ZDHHC7: variants seen among roughly 807,000 people sequenced by gnomAD.
ZDHHC7 encodes the protein zDHHC palmitoyltransferase 7.
A neutral mutation model predicts 34.1 loss-of-function variants in ZDHHC7; 12 were observed. That is an observed-to-expected ratio of 0.35 (90% CI 0.23 to 0.57). The LOEUF (loss-of-function observed/expected upper bound fraction) is 0.57. Among genes scored for constraint, ZDHHC7 ranks in the 20% least tolerant of loss-of-function variants. The pLI is 0.84. For missense variants in ZDHHC7, 388 were observed against 402.7 expected (o/e 0.96, Z 0.31); for synonymous variants, 185 against 155.4 (o/e 1.19, Z -1.42).
chr16:85,017,365 T>C, the ZDHHC7 span, among the ~76,000 whole-genome samples: 1 of 152,262 alleles, frequency 6.6e-6, no homozygotes, highest in South Asian at 2.1e-4. Context: ...CACCAAGGGT[T>C]GGCCAAACGC....
chr16:84,984,792 G>C (rs1050119457), intron 3 of ZDHHC7, among the ~76,000 whole-genome samples: 2 of 152,094 alleles, frequency 1.3e-5, no homozygotes, highest in Non-Finnish European at 2.9e-5. Context: ...TTCCACCTGA[G>C]GCCCCGAGTC....
chr16:84,976,067 G>T lies in ZDHHC7; in HGVS notation c.*276C>A. Reference sequence around the variant, plus strand: ...ATTTGAATAACCCATGTAATAACCCGAAGTATTCTCCACAGAAGCCCCAGC... The same window carrying T: ...ATTTGAATAACCCATGTAATAACCCTAAGTATTCTCCACAGAAGCCCCAGC... On this transcript the variant is annotated 3_prime_UTR_variant, in exon 8 of 8. Transcript: ENST00000313732. 2.3e-6 allele frequency: 1 copy of T among 441,476 alleles called. No individual in the cohort carries two copies. The allele number at this position is 441,476 out of a possible 1,614,324, so 27.3% of individuals were successfully genotyped here. A position where few individuals can be genotyped will look rare whatever the true frequency, so the allele number is the denominator to read the frequency against.
chr16:85,020,227 T>G, the ZDHHC7 span, among the ~76,000 whole-genome samples: 1 of 152,182 alleles, frequency 6.6e-6, no homozygotes, highest in Non-Finnish European at 1.5e-5. Context: ...CCCTGCCCAT[T>G]TGTCCTCAGG....
chr16:84,984,517 C>G (rs2072411861), intron 3 of ZDHHC7, among the ~76,000 whole-genome samples: 1 of 152,194 alleles, frequency 6.6e-6, no homozygotes, highest in Non-Finnish European at 1.5e-5. Flanking sequence ...ACAGCAGCAG[C>G]AAATATGATA....
intron 1 of ZDHHC7, among the ~76,000 whole-genome samples, chr16:85,009,655 C>T (rs1356407247): frequency 6.6e-6 from 1 of 151,758 alleles, no homozygotes; most frequent in Non-Finnish European, 1.5e-5. Context: ...AGTTCCATTC[C>T]ATATTTCAAA....
chr16:84,981,346 AC>A (rs2072364941), intron 4 of ZDHHC7, among the ~76,000 whole-genome samples: 1 of 152,234 alleles, frequency 6.6e-6, no homozygotes. Context: ...ATACAAAAAA[AC>A]AAAACAACAA....
At chr16:84,998,043 G>A (rs1375165432) in intron 1 of ZDHHC7, among the ~76,000 whole-genome samples, 1 of 150,024 alleles carries the variant, frequency 6.7e-6, no homozygotes, top group East Asian at 2.0e-4. Flanking sequence ...GGCGGATCAC[G>A]AGATCAGGAG....
upstream of ZDHHC7, among the ~76,000 whole-genome samples, chr16:85,012,661 G>C (rs149571837): frequency 6.6e-6 from 1 of 151,962 alleles, no homozygotes; most frequent in Non-Finnish European, 1.5e-5. Flanking sequence ...CCCAGCACTT[G>C]TAGGAGGCCG....
chr16:84,978,070 C>G (rs1046010305), intron 5 of ZDHHC7, 65 bp from the exon 6 acceptor site: 7 of 1,347,188 alleles, frequency 5.2e-6, no homozygotes, highest in Admixed American at 1.9e-5. Flanking sequence ...CAGAGTCTCC[C>G]TCTGTTGTCC....
At chr16:85,020,079 C>T in the ZDHHC7 span, among the ~76,000 whole-genome samples, 4 of 152,238 alleles carry the variant, frequency 2.6e-5, no homozygotes, top group Non-Finnish European at 5.9e-5. Context: ...TCTGCCGTTT[C>T]GGCTGCGCCA....
At chr16:85,018,988 G>A in the ZDHHC7 span, among the ~76,000 whole-genome samples, 2 of 152,146 alleles carry the variant, frequency 1.3e-5, no homozygotes, top group Non-Finnish European at 2.9e-5. Context: ...TTTTCTGCAG[G>A]CCACCTCACC....
intron 3 of ZDHHC7, among the ~76,000 whole-genome samples, chr16:84,987,616 G>T (rs1415972042): frequency 6.6e-6 from 1 of 152,180 alleles, no homozygotes; most frequent in Non-Finnish European, 1.5e-5. Flanking sequence ...CAAGAGGAAT[G>T]AAACACCCAT....
intron 3 of ZDHHC7, chr16:84,988,620 G>A (rs1390993882): frequency 2.2e-5 from 16 of 718,624 alleles, no homozygotes; most frequent in African/African-American, 1.6e-4. Flanking sequence ...GAGCGGGGTG[G>A]GAGCAGAAGC....
intron 3 of ZDHHC7, among the ~76,000 whole-genome samples, chr16:84,984,658 A>G (rs1247965448): frequency 2.0e-5 from 3 of 152,140 alleles, no homozygotes; most frequent in Admixed American, 2.0e-4. Context: ...GGGACCTGAG[A>G]CTATGTGGGA....
At chr16:84,994,325 G>A (rs777552008) in intron 2 of ZDHHC7, among the ~76,000 whole-genome samples, 2 of 152,198 alleles carry the variant, frequency 1.3e-5, no homozygotes, top group African/African-American at 4.8e-5. Context: ...TTGGTGAATC[G>A]TTATCTGTGG....
At chr16:84,977,824 T>C in intron 6 of ZDHHC7, 100 bp downstream of exon 6, 1 of 897,676 alleles carries the variant, frequency 1.1e-6, no homozygotes, top group South Asian at 1.7e-5. Flanking sequence ...TTGCAATGAT[T>C]TCCTTCAAAA....
chr16:84,978,054 T>A (rs1014075087), intron 5 of ZDHHC7, 49 bp from the exon 6 acceptor site: 8 of 1,482,406 alleles, frequency 5.4e-6, no homozygotes, highest in Non-Finnish European at 7.5e-6. Context: ...TTATTTTTTT[T>A]AGAAACAGAG....
chr16:85,024,946 A>G, the ZDHHC7 span, among the ~76,000 whole-genome samples: 2 of 152,200 alleles, frequency 1.3e-5, no homozygotes, highest in African/African-American at 4.8e-5. Context: ...CTGAGACAAT[A>G]TAAGCCTAGA....
chr16:85,006,589 A>C (rs1285248253), intron 1 of ZDHHC7, among the ~76,000 whole-genome samples: 3 of 151,886 alleles, frequency 2.0e-5, no homozygotes, highest in Admixed American at 2.0e-4. Context: ...TTTAAAAAAA[A>C]AGGAGCCAGT....
Sources: gnomAD v4.1 joint callset for allele counts (sites outside exome capture counted in the v4.1 genomes callset) on GRCh38, gnomAD v4.1.1 for gene constraint, MANE v1.5 for transcripts, NCBI Gene and HGNC (gene_info 2026-07-23, HGNC 2026-07-21) for gene names.